The following GLRA1 variants were observed in gnomAD, a reference collection of about 807,000 sequenced individuals.
GLRA1 encodes the protein glycine receptor subunit alpha-1.
Under a neutral mutation model 48.3 loss-of-function variants are expected in GLRA1, and 37 were observed. The observed-to-expected ratio is 0.77, with a 90% CI of 0.59 to 1.01. The LOEUF (loss-of-function observed/expected upper bound fraction) is 1.01. GLRA1 is among the 50% of genes least tolerant of loss of function. The probability of loss-of-function intolerance (pLI) is 0.00; values close to 1 mark genes in which losing one functional copy is unlikely to be tolerated. For missense variants in GLRA1, 427 were observed against 571.0 expected (o/e 0.75, Z 2.57); for synonymous variants, 196 against 210.7 (o/e 0.93, Z 0.60).
At chr5:151,905,390 A>G (rs1754451563) in intron 1 of GLRA1, among the ~76,000 whole-genome samples, 2 of 151,948 alleles carry the variant, frequency 1.3e-5, no homozygotes, top group South Asian at 2.1e-4. Context: ...ATTGCTATTA[A>G]ATCTTTAGAA....
intron 3 of GLRA1, among the ~76,000 whole-genome samples, chr5:151,860,416 C>T (rs1001811429): frequency 6.6e-6 from 1 of 151,974 alleles, no homozygotes; most frequent in East Asian, 1.9e-4. Flanking sequence ...CCCTTTTACC[C>T]TCAACCCCAA....
In GLRA1 at chr5:151,859,933, A is replaced by G. The variant is rs781487245; in HGVS notation, c.328T>C (p.Ser110Pro). ...RLAYNEYPDD[S>P]LDLDPSMLDS... ...AGCATGGATGGGTCCAGGTCCAGAGAGTCGTCAGGGTATTCATTATAGGCC... is the reference window on the plus strand; with the variant it reads ...AGCATGGATGGGTCCAGGTCCAGAGGGTCGTCAGGGTATTCATTATAGGCC... The change falls in exon 4 of 9, where the codon TCT becomes CCT. Residue 110 changes from serine to proline, a missense_variant. By Grantham distance (74) the Ser-to-Pro change is moderately conservative. This residue lies in a region of GLRA1 where 271 missense variants were observed against 434.9 expected (regional missense o/e 0.62). Coordinates refer to ENST00000274576, the MANE Select transcript of GLRA1 (RefSeq NM_000171.4). 1 of 1,614,130 alleles carries G rather than the reference A, an allele frequency of 6.2e-7. No homozygotes were observed. Among genetic ancestry groups the G allele is most frequent in the East Asian group, 2.2e-5 (1 of 44,884 alleles).
chr5:151,872,572 G>A lies in GLRA1; in HGVS notation c.253-12564C>T, dbSNP rs1349024200. 5.3e-5 allele frequency among the ~76,000 whole-genome samples: 8 copies of A among 149,622 alleles called. 1 individual carries two copies. Among genetic ancestry groups the A allele is most frequent in the African/African-American group, 2.0e-4 (8 of 39,044 alleles). On this transcript the variant is annotated intron_variant, in intron 3 of 8. Transcript: ENST00000274576. ...ATATCCTAAAGAAATGCACACAGAG[G>A]GTTATGCACAAGAATGCTCATTGTA... is the stretch of plus-strand genomic sequence containing the variant.
intron 6 of GLRA1, among the ~76,000 whole-genome samples, chr5:151,851,972 G>C (rs999483566): frequency 6.6e-6 from 1 of 152,082 alleles, no homozygotes; most frequent in Non-Finnish European, 1.5e-5. Flanking sequence ...TGACTAAGTA[G>C]AACTTTCTCT....
At chr5:151,878,129 C>T (rs1160312505) in intron 3 of GLRA1, among the ~76,000 whole-genome samples, 3 of 152,122 alleles carry the variant, frequency 2.0e-5, no homozygotes, top group Non-Finnish European at 4.4e-5. Context: ...GCAATATGGA[C>T]AATAAAATCT....
chr5:151,913,714 G>C (rs1485466085), intron 1 of GLRA1, among the ~76,000 whole-genome samples: 1 of 152,154 alleles, frequency 6.6e-6, no homozygotes, highest in Non-Finnish European at 1.5e-5. Context: ...GCAGCTAAAG[G>C]CTCTCTGAAG....
At chr5:151,854,977 T>C in intron 6 of GLRA1, 63 bp downstream of exon 6, 2 of 1,524,896 alleles carry the variant, frequency 1.3e-6, no homozygotes, top group Non-Finnish European at 1.8e-6. Flanking sequence ...ATTGAATGTG[T>C]CTGAAATGAC....
At chr5:151,835,482 C>A (rs1581602549) in intron 7 of GLRA1, among the ~76,000 whole-genome samples, 2 of 152,122 alleles carry the variant, frequency 1.3e-5, no homozygotes. Context: ...CATCCTGATA[C>A]CAAAACCTGG....
intron 3 of GLRA1, among the ~76,000 whole-genome samples, chr5:151,873,397 A>C (rs1398695963): frequency 6.7e-6 from 1 of 149,520 alleles, no homozygotes; most frequent in Non-Finnish European, 1.5e-5. Flanking sequence ...GCGGTGGCTC[A>C]TGCCTATAAT....
chr5:151,910,613 A>G (rs933670612), intron 1 of GLRA1, among the ~76,000 whole-genome samples: 1 of 152,206 alleles, frequency 6.6e-6, no homozygotes, highest in Admixed American at 6.5e-5. Context: ...TGCCCATGAT[A>G]CTAACTGGCT....
At chr5:151,862,066 C>G (rs1449999437) in intron 3 of GLRA1, among the ~76,000 whole-genome samples, 1 of 152,162 alleles carries the variant, frequency 6.6e-6, no homozygotes, top group East Asian at 1.9e-4. Flanking sequence ...CAACATTGTA[C>G]TGGTACCAAA....
At chr5:151,823,212 GT>G (rs1282960347) in intron 8 of GLRA1, among the ~76,000 whole-genome samples, 1 of 152,138 alleles carries the variant, frequency 6.6e-6, no homozygotes, top group Non-Finnish European at 1.5e-5. Context: ...GGAGACCTGT[GT>G]TCAAGTCCCA....
rs142413870 is a variant in GLRA1 at position 151,887,865 on chromosome 5, G to A, written c.185-1077C>T. On this transcript the variant is annotated intron_variant, in intron 2 of 8. Transcript: ENST00000274576. ...AGCAGCAGGAGTCCAGGTGAGAGAA[G>A]TTCTGGAGAATAAGGCACGAAAGAC... Among the ~76,000 whole-genome samples the A allele has an allele frequency of 8.6e-3, 1,311 of 152,344 alleles. 35 individuals carry two copies. The highest frequency in any genetic ancestry group is 0.029 in the African/African-American group (1,205 of 41,572).
chr5:151,837,808 T>G (rs1763614627), intron 7 of GLRA1, among the ~76,000 whole-genome samples: 2 of 152,090 alleles, frequency 1.3e-5, no homozygotes, highest in South Asian at 4.1e-4. Flanking sequence ...CAGGGCCTAT[T>G]GGGTGGTAGG....
chr5:151,882,962 TGTA>T (rs1365009294), intron 3 of GLRA1, among the ~76,000 whole-genome samples: 1 of 152,190 alleles, frequency 6.6e-6, no homozygotes, highest in Non-Finnish European at 1.5e-5. Context: ...TTGGTTATGT[TGTA>T]GTCATTTTGT....
chr5:151,827,136 T>C (rs1763294745), intron 8 of GLRA1, among the ~76,000 whole-genome samples: 4 of 150,888 alleles, frequency 2.7e-5, no homozygotes, highest in South Asian at 4.2e-4. Context: ...GTTGGGATTA[T>C]AGGCACAAGC....
At chr5:151,850,164 A>G (rs2113341064) in intron 7 of GLRA1, 1 of 1,603,658 alleles carries the variant, frequency 6.2e-7, no homozygotes, top group Non-Finnish European at 8.5e-7. Context: ...ATATTACTGC[A>G]GTGTGGGAGC....
intron 7 of GLRA1, among the ~76,000 whole-genome samples, chr5:151,831,969 C>A (rs1763438701): frequency 6.6e-6 from 1 of 152,222 alleles, no homozygotes; most frequent in East Asian, 1.9e-4. Context: ...GCAATCTTTG[C>A]TGTTCTGCAG....
intron 8 of GLRA1, among the ~76,000 whole-genome samples, chr5:151,824,249 G>A (rs1033312571): frequency 6.6e-6 from 1 of 151,288 alleles, no homozygotes; most frequent in Non-Finnish European, 1.5e-5. Context: ...CTCCTGCCTC[G>A]GCTTCACAAA....
Sources: gnomAD v4.1 joint callset for allele counts (sites outside exome capture counted in the v4.1 genomes callset) on GRCh38, gnomAD v4.1.1 for gene constraint, gnomAD v4.1.1 regional missense constraint, MANE v1.5 for transcripts, NCBI Gene and HGNC (gene_info 2026-07-23, HGNC 2026-07-21) for gene names.